The following TEK variants were observed in gnomAD, a reference collection of about 807,000 sequenced individuals.
TEK encodes the protein angiopoietin-1 receptor.
TEK carries 43 observed loss-of-function variants against 131.8 expected under a neutral mutation model. The observed-to-expected ratio is 0.33, with a 90% CI of 0.26 to 0.42. The LOEUF is 0.42. TEK is among the 10% of genes least tolerant of loss of function. The probability of loss-of-function intolerance (pLI) is 1.00; values close to 1 mark genes in which losing one functional copy is unlikely to be tolerated. For missense variants in TEK, 1,162 were observed against 1,384.4 expected, an observed-to-expected ratio of 0.84 and a Z score of 2.55; for synonymous variants, 580 against 491.6, an observed-to-expected ratio of 1.18 and a Z score of -2.38.
At chr9:27,213,009 AT>A in intron 17 of TEK, 112 bp downstream of exon 17, 1 of 1,177,022 alleles carries the variant, frequency 8.5e-7, no homozygotes, top group Non-Finnish European at 1.2e-6. Flanking sequence ...CCTTCTTAAA[AT>A]CTCCCTCATT....
chr9:27,159,505 T>G (rs190629156), intron 2 of TEK, among the ~76,000 whole-genome samples: 41 of 152,276 alleles, frequency 2.7e-4, no homozygotes, highest in African/African-American at 9.9e-4. Context: ...AGGACCATGA[T>G]TTAATTTTAG....
intron 2 of TEK, among the ~76,000 whole-genome samples, chr9:27,160,441 T>G (rs1823507330): frequency 6.6e-6 from 1 of 152,176 alleles, no homozygotes; most frequent in Non-Finnish European, 1.5e-5. Context: ...TTTTTAAAGT[T>G]GAACATGCTT....
At chr9:27,228,467 T>A (rs1435580100) in intron 22 of TEK, among the ~76,000 whole-genome samples, 162 bp downstream of exon 22, 1 of 152,112 alleles carries the variant, frequency 6.6e-6, no homozygotes, top group Non-Finnish European at 1.5e-5. Context: ...TTGAAGAAGT[T>A]ACAATTTTGG....
At chr9:27,199,813 T>C (rs1413480733) in intron 12 of TEK, among the ~76,000 whole-genome samples, 1 of 152,174 alleles carries the variant, frequency 6.6e-6, no homozygotes. Flanking sequence ...CCTAATCCCT[T>C]TATTGTAACC....
chr9:27,219,399 A>C (rs1825957008), intron 20 of TEK, among the ~76,000 whole-genome samples: 1 of 152,154 alleles, frequency 6.6e-6, no homozygotes. Flanking sequence ...AGAAAACCAA[A>C]CACCACATGT....
intron 21 of TEK, among the ~76,000 whole-genome samples, chr9:27,221,071 C>G (rs564766227): frequency 6.6e-6 from 1 of 152,312 alleles, no homozygotes; most frequent in East Asian, 1.9e-4. Flanking sequence ...GGAGGACGCT[C>G]CAGCTTGGTG....
chr9:27,146,260 A>G (rs1249120390), intron 1 of TEK, among the ~76,000 whole-genome samples: 1 of 152,226 alleles, frequency 6.6e-6, no homozygotes, highest in Non-Finnish European at 1.5e-5. Context: ...TATGAAAGAT[A>G]CATTTTTATT....
Position 27,220,066 on chromosome 9 carries a change from G to A in TEK, c.3121G>A (p.Gly1041Arg), listed in dbSNP as rs780622660. 6.8e-6 allele frequency: 11 copies of A among 1,614,064 alleles called. No homozygotes were observed. Among genetic ancestry groups the A allele is most frequent in the South Asian group, 4.4e-5 (4 of 91,080 alleles). ...IVSLGGTPYC[G>R]MTCAELYEKL... ...TCTTCCAGGAGGCACACCCTACTGCGGGATGACTTGTGCAGAACTCTACGA... is the reference window on the plus strand; with the variant it reads ...TCTTCCAGGAGGCACACCCTACTGCAGGATGACTTGTGCAGAACTCTACGA... The change falls in exon 21 of 23, where the codon GGG becomes AGG. Residue 1041 changes from glycine (G) to arginine (R), a missense_variant. Gly to Arg is a moderately radical substitution (Grantham distance 125). This residue lies in a region of TEK where 107 missense variants were observed against 173.9 expected (regional missense o/e 0.62). Transcript: ENST00000380036.
At chr9:27,223,028 A>G (rs947256549) in intron 21 of TEK, among the ~76,000 whole-genome samples, 1 of 152,246 alleles carries the variant, frequency 6.6e-6, no homozygotes, top group Admixed American at 6.5e-5. Flanking sequence ...ACAAAGAAGG[A>G]CATTACATAA....
chr9:27,155,303 T>C (rs1209038606), intron 1 of TEK, among the ~76,000 whole-genome samples: 6 of 152,216 alleles, frequency 3.9e-5, no homozygotes, highest in Non-Finnish European at 1.5e-5. Flanking sequence ...TTTACTATCC[T>C]AACTTGTATT....
intron 1 of TEK, among the ~76,000 whole-genome samples, chr9:27,116,825 T>C (rs12554723): frequency 0.18 from 27,237 of 151,478 alleles, 3,303 homozygotes; most frequent in Admixed American, 0.27. Flanking sequence ...CCTGGGACTT[T>C]AGAGAATTGC....
chr9:27,128,171 A>G (rs566764034), intron 1 of TEK, among the ~76,000 whole-genome samples: 1 of 152,250 alleles, frequency 6.6e-6, no homozygotes, highest in South Asian at 2.1e-4. Context: ...TAAGGAAGGG[A>G]TCCAGTTTCA....
At chr9:27,151,511 C>T (rs1038472951) in intron 1 of TEK, among the ~76,000 whole-genome samples, 1 of 152,196 alleles carries the variant, frequency 6.6e-6, no homozygotes, top group African/African-American at 2.4e-5. Flanking sequence ...TCTCATCTCT[C>T]TCTTGCTTTG....
intron 21 of TEK, among the ~76,000 whole-genome samples, chr9:27,220,808 G>GC (rs1204723633): frequency 5.3e-5 from 8 of 152,226 alleles, no homozygotes; most frequent in Admixed American, 5.2e-4. Flanking sequence ...TCCCTCTGGT[G>GC]CCTATGCCAA....
intron 1 of TEK, among the ~76,000 whole-genome samples, chr9:27,127,375 T>C (rs1365718458): frequency 1.3e-5 from 2 of 152,254 alleles, no homozygotes; most frequent in Non-Finnish European, 2.9e-5. Context: ...CAGTCTATCA[T>C]TGATGGGCTT....
At chr9:27,126,504 G>A (rs1160346272) in intron 1 of TEK, among the ~76,000 whole-genome samples, 1 of 152,114 alleles carries the variant, frequency 6.6e-6, no homozygotes, top group Non-Finnish European at 1.5e-5. Flanking sequence ...GTGCTTTTGA[G>A]GTTACAAATA....
chr9:27,217,904 A>G (rs968091015), intron 19 of TEK, 146 bp downstream of exon 19: 6 of 783,434 alleles, frequency 7.7e-6, no homozygotes, highest in African/African-American at 6.9e-5. Flanking sequence ...TTAGCAGAAT[A>G]AAGCCACAGA....
chr9:27,205,919 C>T (rs900493536), intron 14 of TEK, among the ~76,000 whole-genome samples: 2 of 152,150 alleles, frequency 1.3e-5, no homozygotes, highest in African/African-American at 2.4e-5. Context: ...CCAGAGCTGG[C>T]TCAATTCAGG....
chr9:27,140,195 A>G (rs1822670496), intron 1 of TEK, among the ~76,000 whole-genome samples: 2 of 152,022 alleles, frequency 1.3e-5, no homozygotes, highest in South Asian at 4.1e-4. Context: ...AGTATAATAT[A>G]AACAATGCAG....
Sources: allele counts gnomAD v4.1 joint callset (sites outside exome capture counted in the v4.1 genomes callset), GRCh38; gene constraint gnomAD v4.1.1; regional missense constraint gnomAD v4.1.1; transcripts MANE v1.5; gene names NCBI Gene and HGNC (gene_info 2026-07-23, HGNC 2026-07-21).